The following CD36 variants were observed in gnomAD, a reference collection of about 807,000 sequenced individuals.
CD36 encodes the protein CD36 molecule (CD36 blood group).
A neutral mutation model predicts 55.2 loss-of-function variants in CD36; 119 were observed. That is an observed-to-expected ratio of 2.15 (90% CI 1.86 to 2.51). The LOEUF (loss-of-function observed/expected upper bound fraction) is 2.51, where lower values mean the gene tolerates loss of function less well. CD36 is among the 30% of genes most tolerant of loss of function. The probability of loss-of-function intolerance (pLI) is 0.00; values close to 1 mark genes in which losing one functional copy is unlikely to be tolerated. For missense variants in CD36, 819 were observed against 555.5 expected, an observed-to-expected ratio of 1.47 and a Z score of -4.77; for synonymous variants, 186 against 193.6, an observed-to-expected ratio of 0.96 and a Z score of 0.33.
At chr7:80,639,585 A>G (rs564200979) in intron 1 of CD36, among the ~76,000 whole-genome samples, 15 of 152,000 alleles carry the variant, frequency 9.9e-5, no homozygotes, top group Non-Finnish European at 1.9e-4. Context: ...TAAATTCTCT[A>G]GAGTACATCC....
chr7:80,618,054 G>A (rs1372222638), intron 1 of CD36, among the ~76,000 whole-genome samples: 1 of 151,934 alleles, frequency 6.6e-6, no homozygotes, highest in African/African-American at 2.4e-5. Context: ...TTTCATAAAT[G>A]CTTTTGGTTT....
At chr7:80,638,346 C>T (rs892425954), upstream of CD36, among the ~76,000 whole-genome samples, 2 of 150,420 alleles carry the variant, frequency 1.3e-5, no homozygotes, top group Admixed American at 1.3e-4. Flanking sequence ...GGAAACTCAG[C>T]AAGTCAGTTC....
chr7:80,668,834 AC>A (rs1797373990), intron 8 of CD36, among the ~76,000 whole-genome samples: 1 of 152,336 alleles, frequency 6.6e-6, no homozygotes, highest in Non-Finnish European at 1.5e-5. Context: ...GATGAGACTT[AC>A]CATTTAAAAC....
intron 8 of CD36, among the ~76,000 whole-genome samples, chr7:80,667,429 CA>C (rs564416939): frequency 0.021 from 1,719 of 82,398 alleles, 15 homozygotes; most frequent in South Asian, 0.076. Flanking sequence ...GACCCTGTCT[CA>C]AAAAAAAAAA....
chr7:80,639,153 G>A (rs897612842), intron 1 of CD36, among the ~76,000 whole-genome samples: 1 of 151,924 alleles, frequency 6.6e-6, no homozygotes, highest in Non-Finnish European at 1.5e-5. Context: ...CAGCTCTTAT[G>A]TCAACATGTT....
At chr7:80,631,018 G>A (rs1331698762) in intron 1 of CD36, among the ~76,000 whole-genome samples, 1 of 152,028 alleles carries the variant, frequency 6.6e-6, no homozygotes, top group African/African-American at 2.4e-5. Flanking sequence ...ACAGCTGAGA[G>A]ACCTTGGGCT....
At chr7:80,657,282 A>G (rs1241911935) in intron 4 of CD36, among the ~76,000 whole-genome samples, 1 of 151,616 alleles carries the variant, frequency 6.6e-6, no homozygotes, top group African/African-American at 2.4e-5. Context: ...TGAATACACA[A>G]TTTTGAGAAC....
intron 1 of CD36, among the ~76,000 whole-genome samples, chr7:80,608,842 T>C (rs1329846193): frequency 6.6e-6 from 1 of 152,216 alleles, no homozygotes; most frequent in African/African-American, 2.4e-5. Context: ...CACCAAGCCG[T>C]AGCTATTCAT....
In CD36 at chr7:80,673,056, T is replaced by G. The variant is rs3807073; in HGVS notation, c.1199+213T>G. 5,569 of 554,642 alleles carry G rather than the reference T, an allele frequency of 0.01. 353 individuals are homozygous for G. In the East Asian group the frequency reaches 0.14, roughly 13 times the overall value. The allele number at this position is 554,642 out of a possible 1,614,324, so 34.4% of individuals were successfully genotyped here. On this transcript the variant is annotated intron_variant, in intron 12 of 14. Coordinates refer to ENST00000447544, the MANE Select transcript of CD36 (RefSeq NM_001001548.3). ...TTTTATTTGAGCATTTGATAGCATC[T>G]CTTATTTTGTTAGCTGCCCAAATAT...
chr7:80,661,272 C>G, intron 5 of CD36, 62 bp downstream of exon 5: 5 of 1,438,490 alleles, frequency 3.5e-6, no homozygotes, highest in South Asian at 2.3e-5. Flanking sequence ...GTAATTAATC[C>G]TATCATTAGA....
intron 11 of CD36, 78 bp from the exon 12 acceptor site, chr7:80,672,692 C>A: frequency 1.0e-6 from 1 of 966,200 alleles, no homozygotes; most frequent in Non-Finnish European, 1.6e-6. Context: ...TTCTCTTCTG[C>A]TGTAAGAAAA....
At chr7:80,672,623 T>TAACTA (rs1797805247) in intron 11 of CD36, 147 bp from the exon 12 acceptor site, 1 of 631,672 alleles carries the variant, frequency 1.6e-6, no homozygotes. Context: ...TATATAACTA[T>TAACTA]AACTATATAT....
intron 13 of CD36, 49 bp from the exon 14 acceptor site, chr7:80,673,934 T>C: frequency 6.9e-7 from 1 of 1,441,404 alleles, no homozygotes; most frequent in African/African-American, 1.4e-5. Context: ...AGGGTTTATT[T>C]TGTTTTACTA....
chr7:80,673,520 C>T (rs929707600), intron 13 of CD36, 111 bp downstream of exon 13: 2 of 751,388 alleles, frequency 2.7e-6, no homozygotes, highest in Non-Finnish European at 4.9e-6. Flanking sequence ...TTTCCATTAC[C>T]CATATGGATG....
intron 9 of CD36, chr7:80,670,735 ATTGCCTGTGAG>A: frequency 2.0e-6 from 1 of 511,550 alleles, no homozygotes; most frequent in Non-Finnish European, 3.5e-6. Context: ...TATTGGATAA[ATTGCCTGTGAG>A]AAGTAACTTG....
chr7:80,673,321 A>ATATGTTCATAATTAT, intron 12 of CD36, 34 bp from the exon 13 acceptor site: 1 of 951,616 alleles, frequency 1.1e-6, no homozygotes, highest in East Asian at 2.4e-5. Context: ...ATATTAGTTT[A>ATATGTTCATAATTAT]TATGTTCATA....
At chr7:80,611,848 A>G (rs1171094027) in intron 1 of CD36, among the ~76,000 whole-genome samples, 1 of 152,228 alleles carries the variant, frequency 6.6e-6, no homozygotes, top group Non-Finnish European at 1.5e-5. Context: ...CACTCATAGT[A>G]AGTGAGAAGG....
At chr7:80,606,187 T>C (rs1792540916) in intron 1 of CD36, among the ~76,000 whole-genome samples, 1 of 152,230 alleles carries the variant, frequency 6.6e-6, no homozygotes, top group Non-Finnish European at 1.5e-5. Flanking sequence ...ATAACTTAGA[T>C]ACATTTCTTT....
At position 80,679,257 on chromosome 7, in the gene CD36, C is replaced by A. The variant is rs1057159769; in HGVS notation, c.*2874C>A. ...TTTAAAATATTTGTGAAAATAAAAACTTTTGTTATTAGAAAAATGATTTTG... is the reference window on the plus strand; with the variant it reads ...TTTAAAATATTTGTGAAAATAAAAAATTTTGTTATTAGAAAAATGATTTTG... On this transcript the variant is annotated 3_prime_UTR_variant, in exon 15 of 15. Coordinates refer to ENST00000447544, the MANE Select transcript of CD36 (RefSeq NM_001001548.3). 2 of 151,878 alleles carry A rather than the reference C, an allele frequency of 1.3e-5. No homozygotes were observed. The highest frequency in any genetic ancestry group is 1.3e-4 in the Admixed American group (2 of 15,260). The allele number at this position is 151,878 out of a possible 1,614,324, so 9.4% of individuals were successfully genotyped here.
Sources: allele counts gnomAD v4.1 joint callset (sites outside exome capture counted in the v4.1 genomes callset), GRCh38; gene constraint gnomAD v4.1.1; transcripts MANE v1.5; gene names NCBI Gene and HGNC (gene_info 2026-07-23, HGNC 2026-07-21).